MEIS2: variants seen among roughly 807,000 people sequenced by gnomAD.
MEIS2 encodes the protein homeobox protein Meis2.
Under a neutral mutation model 58.6 loss-of-function variants are expected in MEIS2, and 9 were observed. The ratio of observed to expected loss-of-function variants is 0.15; its 90% CI spans 0.09 to 0.27. MEIS2 has a LOEUF of 0.27. MEIS2 is among the 10% of genes least tolerant of loss of function. The probability of loss-of-function intolerance (pLI) is 1.00; values close to 1 mark genes in which losing one functional copy is unlikely to be tolerated. For synonymous variants in MEIS2, 221 were observed against 228.4 expected, an observed-to-expected ratio of 0.97 and a Z score of 0.29; for missense variants, 427 against 635.0, an observed-to-expected ratio of 0.67 and a Z score of 3.52.
intron 8 of MEIS2, among the ~76,000 whole-genome samples, chr15:36,994,344 T>A (rs2060402099): frequency 6.6e-6 from 1 of 152,162 alleles, no homozygotes; most frequent in Non-Finnish European, 1.5e-5. Flanking sequence ...GCCTAGTTCT[T>A]AAGGAATTTT....
chr15:37,080,736 C>CA (rs1329755395), intron 7 of MEIS2, among the ~76,000 whole-genome samples: 1 of 152,144 alleles, frequency 6.6e-6, no homozygotes, highest in African/African-American at 2.4e-5. Context: ...ACTAACAAGA[C>CA]AAACTCCCTT....
chr15:37,034,288 C>T (rs912827551), intron 8 of MEIS2, among the ~76,000 whole-genome samples: 6 of 152,110 alleles, frequency 3.9e-5, no homozygotes, highest in Admixed American at 2.0e-4. Flanking sequence ...GTCCAGGGAA[C>T]TTAATGGACT....
At chr15:36,908,574 G>A (rs1284700616) in intron 9 of MEIS2, among the ~76,000 whole-genome samples, 1 of 152,018 alleles carries the variant, frequency 6.6e-6, no homozygotes, top group Non-Finnish European at 1.5e-5. Flanking sequence ...TTCCTAAGGT[G>A]GTTTAACTTA....
At chr15:37,090,753 G>A (rs1470811038) in intron 6 of MEIS2, among the ~76,000 whole-genome samples, 1 of 152,082 alleles carries the variant, frequency 6.6e-6, no homozygotes, top group Non-Finnish European at 1.5e-5. Flanking sequence ...GTGTCAAACA[G>A]CTGTCACAAA....
chr15:36,918,596 T>C (rs1431714241), intron 9 of MEIS2, among the ~76,000 whole-genome samples: 2 of 152,158 alleles, frequency 1.3e-5, no homozygotes, highest in East Asian at 1.9e-4. Flanking sequence ...GGTAAAGCAA[T>C]AACCATGCAA....
At chr15:36,895,376 T>C in intron 10 of MEIS2, 115 bp from the exon 11 acceptor site, 7 of 817,496 alleles carry the variant, frequency 8.6e-6, no homozygotes, top group South Asian at 8.4e-5. Flanking sequence ...GTTGGCACTC[T>C]ACAAATGGGG....
Position 36,892,266 on chromosome 15 carries a change from G to A in MEIS2, c.1341C>T (p.His447=), listed in dbSNP as rs145933742. ...TCTGTGCTGACATAGTCATTCCAGG[G>A]TGGGTAGGGGGTCCTCCGTGCATCA... ...AMMMHGGPPT[H]PGMTMSAQSP... is the part of the protein sequence containing the mutation. Residue 447 remains histidine, a synonymous_variant, in exon 12 of 12, where the codon CAC becomes CAT. Transcript: ENST00000561208. 6.2e-7 allele frequency: 1 copy of A among 1,613,958 alleles called. No individual in the cohort carries two copies. Among genetic ancestry groups the A allele is most frequent in the African/African-American group, 1.3e-5 (1 of 74,892 alleles).
chr15:36,895,063 T>A, intron 11 of MEIS2, 88 bp downstream of exon 11: 1 of 1,158,992 alleles, frequency 8.6e-7, no homozygotes, highest in Non-Finnish European at 1.3e-6. Flanking sequence ...AAACCCACCA[T>A]GACAGTGGGA....
chr15:36,945,785 A>G (rs2058543773), intron 9 of MEIS2, among the ~76,000 whole-genome samples: 1 of 152,036 alleles, frequency 6.6e-6, no homozygotes, highest in South Asian at 2.1e-4. Context: ...TTGAGAGGCC[A>G]TTATACAAAG....
intron 9 of MEIS2, among the ~76,000 whole-genome samples, chr15:36,943,929 A>C (rs920996779): frequency 1.2e-4 from 19 of 152,018 alleles, no homozygotes; most frequent in Admixed American, 3.9e-4. Context: ...CTGCTTGCCC[A>C]AATTTGGTCT....
At chr15:36,926,936 A>T (rs547464191) in intron 9 of MEIS2, among the ~76,000 whole-genome samples, 2 of 152,316 alleles carry the variant, frequency 1.3e-5, no homozygotes, top group South Asian at 4.1e-4. Flanking sequence ...ATGTAAACGG[A>T]TATCTCAAGA....
At chr15:36,988,496 C>T (rs1189976870) in intron 8 of MEIS2, among the ~76,000 whole-genome samples, 1 of 152,144 alleles carries the variant, frequency 6.6e-6, no homozygotes, top group African/African-American at 2.4e-5. Context: ...TACAAGGGTC[C>T]TCTCTAGACA....
chr15:36,910,536 T>A (rs1274522700), intron 9 of MEIS2, among the ~76,000 whole-genome samples: 1 of 152,176 alleles, frequency 6.6e-6, no homozygotes, highest in Non-Finnish European at 1.5e-5. Context: ...TGAAGCGGCA[T>A]CCTAATTTTT....
chr15:36,923,889 G>A (rs1482933596), intron 9 of MEIS2, among the ~76,000 whole-genome samples: 1 of 152,164 alleles, frequency 6.6e-6, no homozygotes, highest in South Asian at 2.1e-4. Context: ...TGAAACATCT[G>A]TGGGAAAAGG....
At chr15:36,910,939 A>G (rs4923730) in intron 9 of MEIS2, among the ~76,000 whole-genome samples, 139,255 of 151,810 alleles carry the variant, frequency 0.92, 63,957 homozygotes, top group East Asian at 0.98. Context: ...CGGCTATTCG[A>G]GAGGCTGAGG....
chr15:37,069,622 A>G (rs895811132), intron 7 of MEIS2, among the ~76,000 whole-genome samples: 5 of 152,304 alleles, frequency 3.3e-5, no homozygotes, highest in African/African-American at 4.8e-5. Flanking sequence ...GGAATGCAGA[A>G]GAGTTTCACC....
intron 7 of MEIS2, among the ~76,000 whole-genome samples, chr15:37,056,852 G>T (rs975276779): frequency 6.6e-6 from 1 of 152,172 alleles, no homozygotes; most frequent in African/African-American, 2.4e-5. Flanking sequence ...CCGCTCCCGC[G>T]GCAGCTTCCA....
At chr15:37,059,466 A>G (rs1343516987) in intron 7 of MEIS2, among the ~76,000 whole-genome samples, 1 of 152,226 alleles carries the variant, frequency 6.6e-6, no homozygotes, top group Non-Finnish European at 1.5e-5. Flanking sequence ...ATAGAAGCTA[A>G]GGACACTGAT....
chr15:37,081,331 C>A (rs572981796), intron 7 of MEIS2, among the ~76,000 whole-genome samples: 6 of 152,236 alleles, frequency 3.9e-5, no homozygotes, highest in Admixed American at 6.5e-5. Flanking sequence ...ACATAAATTT[C>A]TCTCCCACGT....
Sources: allele counts gnomAD v4.1 joint callset (sites outside exome capture counted in the v4.1 genomes callset), GRCh38; gene constraint gnomAD v4.1.1; transcripts MANE v1.5; gene names NCBI Gene and HGNC (gene_info 2026-07-23, HGNC 2026-07-21).